The following FGF14 variants were observed in gnomAD, a reference collection of about 807,000 sequenced individuals.
FGF14 encodes fibroblast growth factor 14, also known as fibroblast growth factor homologous factor 4.
Under a neutral mutation model 25.5 loss-of-function variants are expected in FGF14, and 5 were observed. The ratio of observed to expected loss-of-function variants is 0.20; its 90% CI spans 0.10 to 0.41. The LOEUF (loss-of-function observed/expected upper bound fraction) is 0.41. Among genes scored for constraint, FGF14 ranks in the 10% least tolerant of loss-of-function variants. FGF14 has a pLI of 1.00. For synonymous variants in FGF14, 138 were observed against 118.3 expected, an observed-to-expected ratio of 1.17 and a Z score of -1.08; for missense variants, 222 against 320.1, an observed-to-expected ratio of 0.69 and a Z score of 2.34.
At chr13:102,369,602 C>T (rs1483091324) in intron 1 of FGF14, among the ~76,000 whole-genome samples, 1 of 152,162 alleles carries the variant, frequency 6.6e-6, no homozygotes, top group East Asian at 1.9e-4. Context: ...CTTACCTGTT[C>T]AAGGTTATCC....
At chr13:102,239,206 T>C (rs571102612) in intron 1 of FGF14, among the ~76,000 whole-genome samples, 28 of 152,208 alleles carry the variant, frequency 1.8e-4, no homozygotes, top group Admixed American at 3.9e-4. Flanking sequence ...CCAGTTACTG[T>C]ACAGATTTTT....
chr13:101,793,100 T>C (rs531097027), intron 3 of FGF14, among the ~76,000 whole-genome samples: 4 of 152,236 alleles, frequency 2.6e-5, no homozygotes, highest in African/African-American at 9.6e-5. Flanking sequence ...GTGCAACAGA[T>C]CTATAAAAAA....
chr13:101,962,645 T>C (rs2036936619), intron 1 of FGF14, among the ~76,000 whole-genome samples: 1 of 152,230 alleles, frequency 6.6e-6, no homozygotes. Flanking sequence ...AAATAAATTA[T>C]ACAGAACTCT....
At chr13:102,074,867 A>T (rs945249026) in intron 1 of FGF14, among the ~76,000 whole-genome samples, 3 of 152,234 alleles carry the variant, frequency 2.0e-5, no homozygotes, top group Admixed American at 1.3e-4. Context: ...TACTTGAAAA[A>T]ATTCAACATT....
rs187557708 is a variant in FGF14, at chr13:101,953,685, G to C, written c.209-78389C>G. 1.5e-3 allele frequency among the ~76,000 whole-genome samples: 226 copies of C among 151,124 alleles called. 1 individual carries two copies. Among genetic ancestry groups the C allele is most frequent in the African/African-American group, 5.4e-3 (223 of 41,150 alleles). On this transcript the variant is annotated intron_variant, in intron 1 of 4. Coordinates refer to the FGF14 transcript ENST00000376131. ...GGCTCACTGCAACCTCTGCCTCCCCGGTTCAAGCGATTCTCCTGCCTCAGC... is the reference window on the plus strand; with the variant it reads ...GGCTCACTGCAACCTCTGCCTCCCCCGTTCAAGCGATTCTCCTGCCTCAGC...
chr13:102,211,323 T>C (rs1173026038), intron 1 of FGF14, among the ~76,000 whole-genome samples: 1 of 152,158 alleles, frequency 6.6e-6, no homozygotes, highest in East Asian at 1.9e-4. Context: ...CCCACTCTTA[T>C]CTAAGAAAAC....
chr13:102,276,117 G>C (rs1388769801), intron 1 of FGF14, among the ~76,000 whole-genome samples: 1 of 151,742 alleles, frequency 6.6e-6, no homozygotes, highest in African/African-American at 2.4e-5. Context: ...TTCAGTCTGA[G>C]ACGTAGTTTT....
chr13:102,096,198 A>G (rs1326401260), intron 1 of FGF14, among the ~76,000 whole-genome samples: 1 of 152,088 alleles, frequency 6.6e-6, no homozygotes, highest in Non-Finnish European at 1.5e-5. Context: ...GGAATGAACA[A>G]TAAGTTATAG....
chr13:101,887,574 G>A (rs1325048010), intron 1 of FGF14, among the ~76,000 whole-genome samples: 1 of 152,036 alleles, frequency 6.6e-6, no homozygotes, highest in African/African-American at 2.4e-5. Flanking sequence ...GTGGTTTGCA[G>A]GGGCTGGGAA....
intron 1 of FGF14, among the ~76,000 whole-genome samples, chr13:102,182,397 T>C (rs1189788004): frequency 1.3e-5 from 2 of 152,174 alleles, no homozygotes. Context: ...TGTTGGACTT[T>C]TGACCTCTGG....
intron 1 of FGF14, among the ~76,000 whole-genome samples, chr13:102,372,901 T>C (rs1464339506): frequency 6.6e-6 from 1 of 152,142 alleles, no homozygotes; most frequent in African/African-American, 2.4e-5. Flanking sequence ...CTACAAGATA[T>C]ATGGCATTCT....
chr13:101,950,597 C>G (rs1418697351), intron 1 of FGF14, among the ~76,000 whole-genome samples: 2 of 152,180 alleles, frequency 1.3e-5, no homozygotes, highest in Non-Finnish European at 2.9e-5. Context: ...AAACCAGCCT[C>G]TCAAAGATAT....
chr13:101,908,206 G>A (rs2032485429), intron 1 of FGF14, among the ~76,000 whole-genome samples: 1 of 152,158 alleles, frequency 6.6e-6, no homozygotes, highest in Non-Finnish European at 1.5e-5. Flanking sequence ...TAGGACCAAT[G>A]TGTCTGCGTA....
chr13:102,397,331 C>G (rs775618647), intron 1 of FGF14, among the ~76,000 whole-genome samples: 3 of 152,136 alleles, frequency 2.0e-5, no homozygotes, highest in South Asian at 2.1e-4. Context: ...GGCAGCCAGA[C>G]AAGTAGGAAA....
chr13:101,741,554 C>T (rs2036557755), intron 3 of FGF14, among the ~76,000 whole-genome samples: 1 of 151,256 alleles, frequency 6.6e-6, no homozygotes, highest in Non-Finnish European at 1.5e-5. Context: ...ATGGTTCTTA[C>T]TGATGTCAAC....
chr13:102,262,340 C>G (rs769235511), intron 1 of FGF14, among the ~76,000 whole-genome samples: 13 of 151,964 alleles, frequency 8.6e-5, no homozygotes, highest in Non-Finnish European at 1.8e-4. Context: ...TATTTCCTAC[C>G]TACTATTGCT....
rs190164894 is a variant in FGF14, at chr13:102,397,935, C to T, written c.208+3536G>A. Among the ~76,000 whole-genome samples, 9 of 151,818 alleles carry T rather than the reference C, an allele frequency of 5.9e-5. No homozygotes were observed. The East Asian group carries it at 1.6e-3, about 26-fold the overall frequency. On this transcript the variant is annotated intron_variant, in intron 1 of 4. Coordinates refer to the FGF14 transcript ENST00000376131. ...AAAATAAAGTCACCTTGCATGACTC[C>T]TACAGTGAAAGTTGAAGCAGGTAAC...
chr13:101,903,988 T>C (rs999835422), intron 1 of FGF14, among the ~76,000 whole-genome samples: 3 of 152,318 alleles, frequency 2.0e-5, no homozygotes, highest in African/African-American at 7.2e-5. Flanking sequence ...GGCCTTCTAA[T>C]GTAACATATA....
chr13:102,363,933 G>T (rs2057637000), intron 1 of FGF14, among the ~76,000 whole-genome samples: 1 of 152,194 alleles, frequency 6.6e-6, no homozygotes, highest in Non-Finnish European at 1.5e-5. Flanking sequence ...CCTGAAGAAA[G>T]ATCTTGACTA....
Sources: gnomAD v4.1 joint callset for allele counts (sites outside exome capture counted in the v4.1 genomes callset) on GRCh38, gnomAD v4.1.1 for gene constraint, MANE v1.5 for transcripts, NCBI Gene and HGNC (gene_info 2026-07-23, HGNC 2026-07-21) for gene names.